The following C8orf34 variants were observed in gnomAD, a reference collection of about 807,000 sequenced individuals.
C8orf34 encodes uncharacterized protein C8orf34.
C8orf34 carries 65 observed loss-of-function variants against 68.3 expected under a neutral mutation model. The ratio of observed to expected loss-of-function variants is 0.95; its 90% CI spans 0.78 to 1.17. The LOEUF is 1.17. Among genes scored for constraint, C8orf34 ranks in the 50% most tolerant of loss-of-function variants. C8orf34 has a pLI of 0.00. For missense variants in C8orf34, 664 were observed against 655.4 expected (o/e 1.01, Z -0.14); for synonymous variants, 244 against 241.2 (o/e 1.01, Z -0.11).
intron 4 of C8orf34, among the ~76,000 whole-genome samples, chr8:68,477,180 G>A (rs896517831): frequency 3.3e-5 from 5 of 152,136 alleles, no homozygotes; most frequent in African/African-American, 1.2e-4. Flanking sequence ...GTGCATGAAG[G>A]GTGAAGCAAA....
intron 7 of C8orf34, among the ~76,000 whole-genome samples, chr8:68,545,009 C>T (rs555815861): frequency 7.9e-5 from 12 of 152,160 alleles, no homozygotes; most frequent in Non-Finnish European, 1.2e-4. Context: ...AATTTGGTTA[C>T]GAGCATGAAT....
intron 7 of C8orf34, among the ~76,000 whole-genome samples, chr8:68,569,032 C>T (rs111771724): frequency 6.6e-6 from 1 of 152,176 alleles, no homozygotes; most frequent in Non-Finnish European, 1.5e-5. Flanking sequence ...TGTCAACTCC[C>T]GTTGTAGACT....
intron 8 of C8orf34, among the ~76,000 whole-genome samples, chr8:68,652,521 T>C (rs1205561360): frequency 6.6e-6 from 1 of 152,224 alleles, no homozygotes; most frequent in African/African-American, 2.4e-5. Context: ...CTATGTGATC[T>C]TCTAAGAGTT....
At chr8:68,560,388 T>C (rs147586508) in intron 7 of C8orf34, among the ~76,000 whole-genome samples, 1 of 152,326 alleles carries the variant, frequency 6.6e-6, no homozygotes, top group East Asian at 1.9e-4. Flanking sequence ...TCTTGTGCTG[T>C]TTCGTAGTTT....
At chr8:68,786,944 G>A (rs1042012199) in intron 11 of C8orf34, among the ~76,000 whole-genome samples, 1 of 152,140 alleles carries the variant, frequency 6.6e-6, no homozygotes, top group African/African-American at 2.4e-5. Flanking sequence ...AGAAGGGAAA[G>A]AGCAGCAAGG....
intron 7 of C8orf34, among the ~76,000 whole-genome samples, chr8:68,603,609 T>C (rs919056371): frequency 2.1e-5 from 3 of 146,292 alleles, no homozygotes; most frequent in Non-Finnish European, 3.0e-5. Flanking sequence ...GCATTATGGC[T>C]GAATCTCAGA....
chr8:68,542,025 C>A (rs1210192650), intron 7 of C8orf34, among the ~76,000 whole-genome samples: 1 of 152,174 alleles, frequency 6.6e-6, no homozygotes, highest in Non-Finnish European at 1.5e-5. Context: ...AAAGAAATTG[C>A]AGTTTTGCCA....
intron 10 of C8orf34, among the ~76,000 whole-genome samples, chr8:68,771,541 A>G (rs1455427201): frequency 1.3e-5 from 2 of 152,178 alleles, no homozygotes; most frequent in African/African-American, 4.8e-5. Flanking sequence ...GTGGTTTCAC[A>G]TATTTCCTCT....
chr8:68,640,296 A>T (rs1461577214), intron 7 of C8orf34, 80 bp from the exon 8 acceptor site: 1 of 1,323,092 alleles, frequency 7.6e-7, no homozygotes, highest in Non-Finnish European at 1.1e-6. Flanking sequence ...AACTAATGGC[A>T]GATACCTGAA....
intron 2 of C8orf34, among the ~76,000 whole-genome samples, chr8:68,440,351 G>A (rs1457783752): frequency 1.3e-5 from 2 of 152,238 alleles, no homozygotes; most frequent in African/African-American, 4.8e-5. Flanking sequence ...TTCCTTGGAT[G>A]GCATTATCAC....
At chr8:68,499,255 A>G (rs1039431374) in intron 5 of C8orf34, among the ~76,000 whole-genome samples, 1 of 152,152 alleles carries the variant, frequency 6.6e-6, no homozygotes, top group Non-Finnish European at 1.5e-5. Flanking sequence ...AAAGGACAAG[A>G]TTTTGTTCTT....
chr8:68,585,751 G>A (rs896915392), intron 7 of C8orf34, among the ~76,000 whole-genome samples: 1 of 152,052 alleles, frequency 6.6e-6, no homozygotes, highest in Non-Finnish European at 1.5e-5. Context: ...CACTGCATGG[G>A]CCTCTCCCTA....
intron 8 of C8orf34, among the ~76,000 whole-genome samples, chr8:68,691,742 A>G (rs1206138893): frequency 6.6e-6 from 1 of 152,046 alleles, no homozygotes; most frequent in African/African-American, 2.4e-5. Flanking sequence ...AGCTTATCAA[A>G]AGAATATTTA....
chr8:68,447,165 C>A (rs1811159908), intron 3 of C8orf34: 1 of 152,422 alleles, frequency 6.6e-6, no homozygotes, highest in African/African-American at 2.4e-5. Context: ...AAAGAGATAG[C>A]AGAGGGAGGT....
rs1426693978 is a variant in C8orf34 at position 68,603,526 on chromosome 8, T to C, written c.1106-36850T>C. Among the ~76,000 whole-genome samples, 96 of 57,700 alleles carry C rather than the reference T, an allele frequency of 1.7e-3. 1 individual carries two copies. The highest frequency in any genetic ancestry group is 6.7e-3 in the African/African-American group (41 of 6,076). The allele number at this position is 57,700 out of a possible 152,430, so 37.9% of individuals were successfully genotyped here. ...ATGTATATGTATATATACATATATC[T>C]ATCTATCTATCTATCTATCTATCTA... is the stretch of plus-strand genomic sequence containing the variant. On this transcript the variant is annotated intron_variant, in intron 7 of 13. Coordinates refer to ENST00000518698, the MANE Select transcript of C8orf34 (RefSeq NM_052958.4).
At chr8:68,667,307 C>A (rs1358270642) in intron 8 of C8orf34, among the ~76,000 whole-genome samples, 1 of 152,072 alleles carries the variant, frequency 6.6e-6, no homozygotes, top group Admixed American at 6.6e-5. Context: ...TGAATCAAAT[C>A]AAACAAGAAT....
intron 5 of C8orf34, among the ~76,000 whole-genome samples, chr8:68,510,693 T>C (rs1814229649): frequency 6.6e-6 from 1 of 152,232 alleles, no homozygotes; most frequent in South Asian, 2.1e-4. Flanking sequence ...ATCTTATACT[T>C]GGCCTGATTA....
At chr8:68,534,680 T>C in intron 7 of C8orf34, 1 of 985,356 alleles carries the variant, frequency 1.0e-6, no homozygotes, top group Non-Finnish European at 1.2e-6. Flanking sequence ...GTATGGGCTG[T>C]TTTGCGATTG....
At chr8:68,809,313 A>C (rs1320976968) in intron 12 of C8orf34, among the ~76,000 whole-genome samples, 1 of 152,138 alleles carries the variant, frequency 6.6e-6, no homozygotes, top group Non-Finnish European at 1.5e-5. Flanking sequence ...TGTGTCTCTT[A>C]ATTATTCTAT....
Sources: allele counts gnomAD v4.1 joint callset (sites outside exome capture counted in the v4.1 genomes callset), GRCh38; gene constraint gnomAD v4.1.1; transcripts MANE v1.5; gene names NCBI Gene and HGNC (gene_info 2026-07-23, HGNC 2026-07-21).